ARHGAP10: variants seen among roughly 807,000 people sequenced by gnomAD.
ARHGAP10 encodes rho GTPase-activating protein 10.
In ARHGAP10, 87 loss-of-function variants were observed where a neutral mutation model predicts 108.6. The observed-to-expected ratio is 0.80, with a 90% CI of 0.67 to 0.96. The LOEUF is 0.96. Ranked by LOEUF, ARHGAP10 falls within the 40% of genes least tolerant of loss-of-function variation. The pLI, the probability that ARHGAP10 is intolerant of heterozygous loss-of-function variation, is 0.00. For missense variants in ARHGAP10, 939 were observed against 954.5 expected, an observed-to-expected ratio of 0.98 and a Z score of 0.21; for synonymous variants, 347 against 341.1, an observed-to-expected ratio of 1.02 and a Z score of -0.19.
chr4:147,759,201 C>T (rs1228914461), intron 1 of ARHGAP10, among the ~76,000 whole-genome samples: 2 of 152,078 alleles, frequency 1.3e-5, no homozygotes, highest in Non-Finnish European at 2.9e-5. Flanking sequence ...GTTAAACTTC[C>T]ACTTACCAGT....
intron 15 of ARHGAP10, among the ~76,000 whole-genome samples, chr4:147,951,577 T>C (rs1027953417): frequency 6.6e-6 from 1 of 152,022 alleles, no homozygotes; most frequent in Non-Finnish European, 1.5e-5. Context: ...GGAATATATG[T>C]ACCTTAACAT....
At chr4:148,056,293 G>A (rs1220951030) in intron 20 of ARHGAP10, among the ~76,000 whole-genome samples, 1 of 152,182 alleles carries the variant, frequency 6.6e-6, no homozygotes. Flanking sequence ...GTGATTTTCA[G>A]TGTAAGCTTC....
At chr4:147,933,825 TG>T (rs931705427) in intron 13 of ARHGAP10, among the ~76,000 whole-genome samples, 3 of 152,032 alleles carry the variant, frequency 2.0e-5, no homozygotes, top group Non-Finnish European at 2.9e-5. Context: ...GTATCTGCTG[TG>T]GGGCAGAGGC....
rs1171223604 is a variant in ARHGAP10 at position 147,879,313 on chromosome 4, T to C, written c.914T>C (p.Phe305Ser). The C allele has an allele frequency of 3.7e-6, 6 of 1,613,868 alleles. No homozygotes were observed. Among genetic ancestry groups the C allele is most frequent in the Non-Finnish European group, 5.1e-6 (6 of 1,179,898 alleles). The change falls in exon 9 of 23, where the codon TTT (phenylalanine) becomes TCT (serine). Residue 305 changes from phenylalanine (F) to serine (S), a missense_variant. Transcript: ENST00000336498. ...KAAKKFNMIP[F>S]EHRSGGKLGD... ...GCAAAGAAGTTCAACATGATCCCAT[T>C]TGAGCACAGATCTGGAGGGAAACTT...
At chr4:147,936,489 C>T (rs909536632) in intron 13 of ARHGAP10, among the ~76,000 whole-genome samples, 10 of 151,698 alleles carry the variant, frequency 6.6e-5, no homozygotes, top group African/African-American at 1.9e-4. Flanking sequence ...CCACCGTGCC[C>T]GGCTAATTTT....
At chr4:147,828,155 A>C (rs1047862679) in intron 3 of ARHGAP10, among the ~76,000 whole-genome samples, 12 of 152,234 alleles carry the variant, frequency 7.9e-5, no homozygotes, top group African/African-American at 2.9e-4. Flanking sequence ...CCTAAATTGA[A>C]TAATGGTGCA....
At chr4:148,026,357 C>T (rs146089933) in intron 19 of ARHGAP10, among the ~76,000 whole-genome samples, 7 of 152,248 alleles carry the variant, frequency 4.6e-5, no homozygotes, top group East Asian at 1.9e-4. Flanking sequence ...AGCATGAAGC[C>T]GGAGGGGAGA....
At chr4:147,792,957 G>A (rs941589780) in intron 1 of ARHGAP10, among the ~76,000 whole-genome samples, 1 of 152,100 alleles carries the variant, frequency 6.6e-6, no homozygotes, top group Non-Finnish European at 1.5e-5. Context: ...TGGCTAACAT[G>A]GTGAAACCCG....
chr4:147,792,372 T>C (rs1370835872), intron 1 of ARHGAP10, among the ~76,000 whole-genome samples: 1 of 152,268 alleles, frequency 6.6e-6, no homozygotes, highest in Non-Finnish European at 1.5e-5. Context: ...GTCCTCTTCC[T>C]TCCCTCCTTC....
intron 1 of ARHGAP10, among the ~76,000 whole-genome samples, chr4:147,763,457 A>G (rs998916770): frequency 4.6e-5 from 7 of 151,686 alleles, no homozygotes; most frequent in Non-Finnish European, 5.9e-5. Flanking sequence ...GACTATAGGC[A>G]TGTGCCACCA....
At chr4:148,003,031 T>C (rs1740791803) in intron 18 of ARHGAP10, among the ~76,000 whole-genome samples, 1 of 152,240 alleles carries the variant, frequency 6.6e-6, no homozygotes. Context: ...AGATCTTTCC[T>C]GCTTTCTCTT....
rs529372728 is a variant in ARHGAP10, at chr4:147,912,219, T to C, written c.1163-855T>C. Among the ~76,000 whole-genome samples the C allele has an allele frequency of 6.6e-5, 10 of 152,190 alleles. No individual in the cohort carries two copies. The East Asian group carries it at 1.9e-3, about 29-fold the overall frequency. ...ATGTATACTATTGGTAAATAGAGATTCTGATATTCCAGCAAGTGCTCTAAA... is the reference window on the plus strand; with the variant it reads ...ATGTATACTATTGGTAAATAGAGATCCTGATATTCCAGCAAGTGCTCTAAA... On this transcript the variant is annotated intron_variant, in intron 12 of 22. Transcript: ENST00000336498.
At position 147,913,105 on chromosome 4, in the gene ARHGAP10, T is replaced by C; in HGVS notation, c.1194T>C (p.Ile398=). ...NAQLDKMGFT[I]IRKCISAVET... is the part of the protein sequence containing the mutation. Reference sequence around the variant, plus strand: ...AGTTGGATAAGATGGGGTTCACAATTATCAGAAAATGCATCAGTGCCGTTG... The same window carrying C: ...AGTTGGATAAGATGGGGTTCACAATCATCAGAAAATGCATCAGTGCCGTTG... The change falls in exon 13 of 23, where the codon ATT becomes ATC. Residue 398 remains isoleucine (I), a synonymous_variant. Coordinates refer to ENST00000336498, the MANE Select transcript of ARHGAP10 (RefSeq NM_024605.4). The C allele has an allele frequency of 1.2e-6, 2 of 1,613,960 alleles. No individual in the cohort carries two copies. Among genetic ancestry groups the C allele is most frequent in the African/African-American group, 1.3e-5 (1 of 75,046 alleles).
chr4:147,750,255 A>T (rs1041409583), intron 1 of ARHGAP10, among the ~76,000 whole-genome samples: 3 of 152,182 alleles, frequency 2.0e-5, no homozygotes, highest in Non-Finnish European at 4.4e-5. Context: ...AAGTGAATGC[A>T]TCAGGGAGCA....
At chr4:147,825,244 G>A (rs1303379878) in intron 3 of ARHGAP10, among the ~76,000 whole-genome samples, 3 of 152,168 alleles carry the variant, frequency 2.0e-5, no homozygotes, top group Non-Finnish European at 4.4e-5. Flanking sequence ...GAGGTCAGAA[G>A]TTTGAGACCA....
At chr4:147,773,543 T>C (rs1730162477) in intron 1 of ARHGAP10, among the ~76,000 whole-genome samples, 1 of 152,228 alleles carries the variant, frequency 6.6e-6, no homozygotes, top group African/African-American at 2.4e-5. Context: ...CACTTAAATA[T>C]TGTATTCTGA....
intron 1 of ARHGAP10, among the ~76,000 whole-genome samples, chr4:147,751,437 C>T (rs999307510): frequency 2.0e-5 from 3 of 151,132 alleles, no homozygotes; most frequent in African/African-American, 7.3e-5. Flanking sequence ...GATCTCGGCT[C>T]ACTGCAACCT....
intron 3 of ARHGAP10, among the ~76,000 whole-genome samples, chr4:147,836,968 A>G (rs1733194112): frequency 6.6e-6 from 1 of 152,222 alleles, no homozygotes. Context: ...CAGAGCCAAA[A>G]TGAAAACACG....
At chr4:147,805,011 C>T (rs575431916) in intron 1 of ARHGAP10, among the ~76,000 whole-genome samples, 3 of 152,270 alleles carry the variant, frequency 2.0e-5, no homozygotes, top group African/African-American at 7.2e-5. Context: ...GTTTCTGTTG[C>T]AGTTGCTTTT....
Sources: gnomAD v4.1 joint callset for allele counts (sites outside exome capture counted in the v4.1 genomes callset) on GRCh38, gnomAD v4.1.1 for gene constraint, MANE v1.5 for transcripts, NCBI Gene and HGNC (gene_info 2026-07-23, HGNC 2026-07-21) for gene names.